The following LRBA variants were observed in gnomAD, a reference collection of about 807,000 sequenced individuals.
The protein encoded by LRBA is lipopolysaccharide-responsive and beige-like anchor protein.
A neutral mutation model predicts 330.0 loss-of-function variants in LRBA; 176 were observed. The ratio of observed to expected loss-of-function variants is 0.53; its 90% CI spans 0.47 to 0.60. The LOEUF is 0.60. Ranked by LOEUF, LRBA falls within the 20% of genes least tolerant of loss-of-function variation. The pLI, the probability that LRBA is intolerant of heterozygous loss-of-function variation, is 0.00. For synonymous variants in LRBA, 1,230 were observed against 1,193.0 expected (o/e 1.03, Z -0.64); for missense variants, 3,259 against 3,444.8 (o/e 0.95, Z 1.35).
chr4:150,682,046 G>A (rs757217934), intron 37 of LRBA, among the ~76,000 whole-genome samples: 11 of 152,138 alleles, frequency 7.2e-5, no homozygotes, highest in Non-Finnish European at 1.5e-4. Flanking sequence ...CCCATGAAAC[G>A]CTTGACATAA....
chr4:150,942,006 AAG>A (rs1281073944), intron 2 of LRBA, among the ~76,000 whole-genome samples: 2 of 152,230 alleles, frequency 1.3e-5, no homozygotes, highest in Non-Finnish European at 2.9e-5. Flanking sequence ...ATAAAAGAAA[AAG>A]AGTAAGTTTA....
At chr4:150,956,787 A>C (rs1399375708) in intron 2 of LRBA, among the ~76,000 whole-genome samples, 1 of 149,170 alleles carries the variant, frequency 6.7e-6, no homozygotes, top group Non-Finnish European at 1.5e-5. Flanking sequence ...TCAATAGACA[A>C]AAAAAGCATC....
At chr4:150,652,222 TTC>T (rs974361417) in intron 37 of LRBA, among the ~76,000 whole-genome samples, 1 of 152,158 alleles carries the variant, frequency 6.6e-6, no homozygotes, top group Non-Finnish European at 1.5e-5. Flanking sequence ...CCCTCAATGT[TTC>T]TCTCTCTCCC....
intron 40 of LRBA, among the ~76,000 whole-genome samples, chr4:150,558,091 T>C (rs546187518): frequency 6.6e-6 from 1 of 151,948 alleles, no homozygotes; most frequent in East Asian, 1.9e-4. Flanking sequence ...TAGAGATGGG[T>C]TTTTGCCACA....
intron 2 of LRBA, among the ~76,000 whole-genome samples, chr4:150,977,952 C>A (rs1782368): frequency 6.6e-6 from 1 of 152,268 alleles, no homozygotes; most frequent in Non-Finnish European, 1.5e-5. Flanking sequence ...CCAAGGGCCT[C>A]AGGAAACACG....
chr4:150,863,367 A>G (rs1476871582), intron 22 of LRBA, among the ~76,000 whole-genome samples: 1 of 152,030 alleles, frequency 6.6e-6, no homozygotes, highest in Non-Finnish European at 1.5e-5. Flanking sequence ...TTTTTGTTAG[A>G]AACTAAGACA....
intron 37 of LRBA, among the ~76,000 whole-genome samples, chr4:150,616,556 T>C (rs1333342203): frequency 6.6e-6 from 1 of 152,176 alleles, no homozygotes; most frequent in Non-Finnish European, 1.5e-5. Context: ...GACTATTGGA[T>C]TTATTTATTT....
intron 40 of LRBA, among the ~76,000 whole-genome samples, chr4:150,520,310 T>C (rs1331057018): frequency 2.6e-5 from 4 of 152,154 alleles, no homozygotes; most frequent in African/African-American, 4.8e-5. Context: ...GATAGATAAA[T>C]TTGGGGAGAA....
chr4:150,333,065 G>T (rs939668297), intron 48 of LRBA, among the ~76,000 whole-genome samples: 4 of 152,110 alleles, frequency 2.6e-5, no homozygotes, highest in Admixed American at 6.5e-5. Context: ...AAGGAAGAAA[G>T]AAATAAGAGA....
chr4:150,582,896 C>G, intron 40 of LRBA: 1 of 1,096,734 alleles, frequency 9.1e-7, no homozygotes, highest in South Asian at 1.8e-5. Context: ...AGGTGGAAAA[C>G]GAGAGTGAAA....
intron 22 of LRBA, among the ~76,000 whole-genome samples, chr4:150,866,741 T>C (rs902349790): frequency 6.6e-6 from 1 of 152,156 alleles, no homozygotes; most frequent in African/African-American, 2.4e-5. Flanking sequence ...AGTCATGTCA[T>C]GCAATACATT....
chr4:150,870,478 T>C, intron 20 of LRBA, 47 bp downstream of exon 20: 1 of 999,302 alleles, frequency 1.0e-6, no homozygotes, highest in Non-Finnish European at 1.6e-6. Context: ...TGACTTTCTT[T>C]TTAAGTAGCA....
intron 37 of LRBA, among the ~76,000 whole-genome samples, chr4:150,655,407 T>C (rs763120830): frequency 7.2e-5 from 11 of 152,234 alleles, no homozygotes; most frequent in Non-Finnish European, 5.9e-5. Context: ...TTTGCTATTA[T>C]AGATAGTGCT....
At chr4:150,602,150 G>A (rs1774189236) in intron 37 of LRBA, among the ~76,000 whole-genome samples, 1 of 152,096 alleles carries the variant, frequency 6.6e-6, no homozygotes, top group Admixed American at 6.5e-5. Context: ...AAAACAATCT[G>A]AAGACAAAGC....
At chr4:150,294,458 T>C (rs1728709635) in intron 53 of LRBA, among the ~76,000 whole-genome samples, 1 of 152,204 alleles carries the variant, frequency 6.6e-6, no homozygotes. Context: ...TCCATAATTC[T>C]AGTAAGGAGA....
chr4:150,392,134 A>G (rs1219869685), intron 47 of LRBA, among the ~76,000 whole-genome samples: 2 of 152,136 alleles, frequency 1.3e-5, no homozygotes, highest in Non-Finnish European at 1.5e-5. Context: ...TCATTTACCC[A>G]ACATACCTTC....
chr4:150,418,497 A>G (rs1308579719), intron 46 of LRBA, among the ~76,000 whole-genome samples: 1 of 152,210 alleles, frequency 6.6e-6, no homozygotes, highest in Non-Finnish European at 1.5e-5. Context: ...TCATGCTGGG[A>G]AGAAGGTAAT....
intron 40 of LRBA, among the ~76,000 whole-genome samples, chr4:150,550,565 C>A (rs1766455554): frequency 6.6e-6 from 1 of 152,172 alleles, no homozygotes; most frequent in African/African-American, 2.4e-5. Flanking sequence ...ATATCTCAGT[C>A]ACTGGTATGT....
At chr4:150,735,461 T>C in intron 35 of LRBA, 95 bp from the exon 36 acceptor site, 1 of 814,886 alleles carries the variant, frequency 1.2e-6, no homozygotes, top group Non-Finnish European at 2.1e-6. Context: ...GAATACTTAC[T>C]TTCTTCTTTT....
Sources: gnomAD v4.1 joint callset for allele counts (sites outside exome capture counted in the v4.1 genomes callset) on GRCh38, gnomAD v4.1.1 for gene constraint, MANE v1.5 for transcripts, NCBI Gene and HGNC (gene_info 2026-07-23, HGNC 2026-07-21) for gene names.